The following LYPD1 variants were observed in gnomAD, a reference collection of about 807,000 sequenced individuals.
The protein encoded by LYPD1 is ly6/PLAUR domain-containing protein 1.
In LYPD1, 14 loss-of-function variants were observed where a neutral mutation model predicts 14.2. The observed-to-expected ratio is 0.99, with a 90% CI of 0.65 to 1.54. The LOEUF (loss-of-function observed/expected upper bound fraction) is 1.54, where lower values mean the gene tolerates loss of function less well. Among genes scored for constraint, LYPD1 ranks in the 40% most tolerant of loss-of-function variants. The probability of loss-of-function intolerance (pLI) is 0.00; values close to 1 mark genes in which losing one functional copy is unlikely to be tolerated. For missense variants in LYPD1, 165 were observed against 175.7 expected (o/e 0.94, Z 0.34); for synonymous variants, 85 against 70.6 (o/e 1.20, Z -1.02).
At chr2:132,646,553 AG>A (rs1682094667) in intron 2 of LYPD1, 4 of 340,542 alleles carry the variant, frequency 1.2e-5, no homozygotes, top group Non-Finnish European at 2.1e-5. Flanking sequence ...GCTGTTAAAT[AG>A]ACTTATTTAC....
At chr2:132,657,124 T>C (rs1682639759) in intron 2 of LYPD1, among the ~76,000 whole-genome samples, 1 of 152,236 alleles carries the variant, frequency 6.6e-6, no homozygotes, top group Admixed American at 6.5e-5. Flanking sequence ...AGTTTAATTT[T>C]CAAGGCTGTT....
intron 2 of LYPD1, among the ~76,000 whole-genome samples, chr2:132,659,068 G>T (rs1682772745): frequency 6.6e-6 from 1 of 152,214 alleles, no homozygotes; most frequent in South Asian, 2.1e-4. Flanking sequence ...TTACATTTCA[G>T]AGTGGTTCCT....
chr2:132,668,682 T>A lies in LYPD1; in HGVS notation c.53-145A>T, dbSNP rs894252538. 4 of 1,209,390 alleles carry A rather than the reference T, an allele frequency of 3.3e-6. No individual in the cohort carries two copies. The African/African-American group carries it at 6.4e-5, about 19-fold the overall frequency. The allele number at this position is 1,209,390 out of a possible 1,614,324, so 74.9% of individuals were successfully genotyped here. A position where few individuals can be genotyped will look rare whatever the true frequency, so the allele number is the denominator to read the frequency against. On this transcript the variant is annotated intron_variant, in intron 1 of 2. Transcript: ENST00000397463. ...CTGGGTCTCCGGGTAGGGCTGGATG[T>A]GGCTGACACCGGCAGGGGGCGGCGC...
Position 132,644,979 on chromosome 2 carries a change from C to A in LYPD1, c.*1066G>T. 8.7e-7 allele frequency: 1 copy of A among 1,144,030 alleles called. No homozygotes were observed. Among genetic ancestry groups the A allele is most frequent in the Non-Finnish European group, 1.2e-6 (1 of 823,312 alleles). 70.9% of individuals were successfully genotyped at this position (1,144,030 alleles called of 1,614,324 possible). On this transcript the variant is annotated 3_prime_UTR_variant, in exon 3 of 3. Coordinates refer to ENST00000397463, the MANE Select transcript of LYPD1 (RefSeq NM_144586.7). The stretch of plus-strand genomic sequence containing the variant: ...AAGTCCAACACTGAAAAATTGGTAC[C>A]ATTTCCTGGCCAGTAAGCACAGAAC...
chr2:132,661,817 C>T (rs908804825), intron 2 of LYPD1, among the ~76,000 whole-genome samples: 1 of 151,896 alleles, frequency 6.6e-6, no homozygotes, highest in Non-Finnish European at 1.5e-5. Flanking sequence ...GTGATAGTTA[C>T]ACTTCTCTAT....
chr2:132,665,645 T>C (rs1427259110), intron 2 of LYPD1, among the ~76,000 whole-genome samples: 5 of 152,236 alleles, frequency 3.3e-5, no homozygotes, highest in Non-Finnish European at 7.3e-5. Flanking sequence ...AGTTGGCTGG[T>C]GAACTTGGAC....
Position 132,644,061 on chromosome 2 carries a change from A to C in LYPD1, c.*1984T>G, listed in dbSNP as rs1681930960. On this transcript the variant is annotated 3_prime_UTR_variant, in exon 3 of 3. Coordinates refer to ENST00000397463, the MANE Select transcript of LYPD1 (RefSeq NM_144586.7). Reference sequence around the variant, plus strand: ...TTGGCTCCTTACGAAAAGAGAGAGCAAATGCTTCACAGATCCCCTGATCTT... The same window carrying C: ...TTGGCTCCTTACGAAAAGAGAGAGCCAATGCTTCACAGATCCCCTGATCTT... Among the ~76,000 whole-genome samples, 1 of 152,320 alleles carries C rather than the reference A, an allele frequency of 6.6e-6. No homozygotes were observed. The highest frequency in any genetic ancestry group is 3.4e-3 in the Middle Eastern group (1 of 294).
At chr2:132,663,400 A>G (rs2104921828) in intron 2 of LYPD1, among the ~76,000 whole-genome samples, 1 of 152,220 alleles carries the variant, frequency 6.6e-6, no homozygotes, top group East Asian at 1.9e-4. Flanking sequence ...CAGCCTCCTG[A>G]GTAGCTGGGA....
rs1371534877 is a variant in LYPD1 at position 132,669,846 on chromosome 2, C to G, written c.52+35G>C. On this transcript the variant is annotated intron_variant, in intron 1 of 2. Transcript: ENST00000397463. This position sits in a 1 kb window ranked among gnomAD's most constrained non-coding sequence, Gnocchi z 4.3. Reference sequence around the variant, plus strand: ...CTGGCGGGTAGATGGATTGTGCGCACCTGGCCTCGGCTGCTGGCCTCTGGG... The same window carrying G: ...CTGGCGGGTAGATGGATTGTGCGCAGCTGGCCTCGGCTGCTGGCCTCTGGG... 1 of 1,610,188 alleles carries G rather than the reference C, an allele frequency of 6.2e-7. No individual in the cohort carries two copies. The highest frequency in any genetic ancestry group is 8.5e-7 in the Non-Finnish European group (1 of 1,178,262).
chr2:132,652,978 C>A (rs1265494759), intron 2 of LYPD1, among the ~76,000 whole-genome samples: 1 of 152,128 alleles, frequency 6.6e-6, no homozygotes, highest in Non-Finnish European at 1.5e-5. Context: ...TCCACTGCAG[C>A]CATTGTACCT....
At chr2:132,666,007 AGAG>A (rs779782240) in intron 2 of LYPD1, among the ~76,000 whole-genome samples, 20 of 152,114 alleles carry the variant, frequency 1.3e-4, no homozygotes, top group Non-Finnish European at 1.9e-4. Context: ...CTTTCTCTGG[AGAG>A]GAGATGTTGA....
chr2:132,657,717 A>G (rs1558881437), intron 2 of LYPD1, among the ~76,000 whole-genome samples: 1 of 152,250 alleles, frequency 6.6e-6, no homozygotes, highest in Non-Finnish European at 1.5e-5. Flanking sequence ...GTTAAAGTTC[A>G]GGACATTTGT....
rs1351814012 is a variant in LYPD1, at chr2:132,646,046, C to A, written c.425G>T (p.Ter142LeuextTer2). Residue 142 changes from the stop codon to leucine, a stop_lost, in exon 3 of 3, where the codon TGA becomes TTA. Transcript: ENST00000397463. ...GAGGGGGTGGCATCTCCTTCAGCTT[C>A]AGCAGTGTGCCGAGAAGAGGGCTAA... is the stretch of plus-strand genomic sequence containing the variant. ...LKLALFSAHC[*>L] 4 of 1,554,564 alleles carry A rather than the reference C, an allele frequency of 2.6e-6. No homozygotes were observed. Among genetic ancestry groups the A allele is most frequent in the East Asian group, 2.3e-5 (1 of 43,234 alleles).
At chr2:132,648,661 C>A (rs887917917) in intron 2 of LYPD1, among the ~76,000 whole-genome samples, 6 of 152,206 alleles carry the variant, frequency 3.9e-5, no homozygotes, top group African/African-American at 1.4e-4. Flanking sequence ...TTTACAACTG[C>A]TAAGACCCTC....
rs1681899775 is a variant in LYPD1, at chr2:132,643,384, C to T, written c.*2661G>A. ...AGAAGAGTTTCCAAGGCCTTCCTTGCTCACATATGGATTTGTGGAGGATTT... is the reference window on the plus strand; with the variant it reads ...AGAAGAGTTTCCAAGGCCTTCCTTGTTCACATATGGATTTGTGGAGGATTT... On this transcript the variant is annotated 3_prime_UTR_variant, in exon 3 of 3. Transcript: ENST00000397463. Among the ~76,000 whole-genome samples, 1 of 152,198 alleles carries T rather than the reference C, an allele frequency of 6.6e-6. No homozygotes were observed. The highest frequency in any genetic ancestry group is 2.4e-5 in the African/African-American group (1 of 41,450).
intron 2 of LYPD1, among the ~76,000 whole-genome samples, chr2:132,651,150 CTT>C (rs369918951): frequency 1.8e-3 from 272 of 152,270 alleles, no homozygotes; most frequent in African/African-American, 6.4e-3. Flanking sequence ...GGGAAAAAGA[CTT>C]TTGACCCTTT....
In LYPD1 at chr2:132,669,739, G is replaced by T. The variant is rs576686247; in HGVS notation, c.52+142C>A. The T allele has an allele frequency of 3.4e-5, 49 of 1,441,654 alleles. No individual in the cohort carries two copies. The highest frequency in any genetic ancestry group is 2.6e-4 in the South Asian group (19 of 73,216). The allele number at this position is 1,441,654 out of a possible 1,614,324, so 89.3% of individuals were successfully genotyped here. On this transcript the variant is annotated intron_variant, in intron 1 of 2. Transcript: ENST00000397463. This position sits in a 1 kb window ranked among gnomAD's most constrained non-coding sequence, Gnocchi z 4.3. ...CACTTTCCCAGCCTCGCGCCCCGGG[G>T]CACCAGTCGCGGCCGCCAACTCCCG...
chr2:132,652,467 T>C (rs1336808732), intron 2 of LYPD1, among the ~76,000 whole-genome samples: 1 of 152,172 alleles, frequency 6.6e-6, no homozygotes, highest in Non-Finnish European at 1.5e-5. Flanking sequence ...CAGGCCTTGG[T>C]TGACAAAGGC....
chr2:132,657,498 C>T (rs1355873922), intron 2 of LYPD1, among the ~76,000 whole-genome samples: 2 of 152,182 alleles, frequency 1.3e-5, no homozygotes, highest in East Asian at 3.8e-4. Flanking sequence ...CAGTTTCTTG[C>T]ATACAAATTC....
Sources: gnomAD v4.1 joint callset for allele counts (sites outside exome capture counted in the v4.1 genomes callset) on GRCh38, gnomAD v4.1.1 for gene constraint, Gnocchi (gnomAD v3.1) non-coding constraint, MANE v1.5 for transcripts, NCBI Gene and HGNC (gene_info 2026-07-23, HGNC 2026-07-21) for gene names.